The following ANO2 variants were observed in gnomAD, a reference collection of about 807,000 sequenced individuals.
ANO2 encodes anoctamin 2.
ANO2 carries 101 observed loss-of-function variants against 124.2 expected under a neutral mutation model. The observed-to-expected ratio is 0.81, with a 90% confidence interval of 0.69 to 0.96. The LOEUF is 0.96. ANO2 is among the 40% of genes least tolerant of loss of function. The probability of loss-of-function intolerance (pLI) is 0.00; values close to 1 mark genes in which losing one functional copy is unlikely to be tolerated. For synonymous variants in ANO2, 486 were observed against 482.5 expected, an observed-to-expected ratio of 1.01 and a Z score of -0.09; for missense variants, 1,293 against 1,274.5, an observed-to-expected ratio of 1.01 and a Z score of -0.22.
At chr12:5,932,718 G>C (rs1441760564) in intron 1 of ANO2, among the ~76,000 whole-genome samples, 3 of 152,168 alleles carry the variant, frequency 2.0e-5, no homozygotes, top group Admixed American at 1.3e-4. Flanking sequence ...AAGGAAAGTA[G>C]ACCAGTGAGG....
intron 7 of ANO2, among the ~76,000 whole-genome samples, chr12:5,813,194 A>T (rs1478707289): frequency 6.6e-6 from 1 of 152,164 alleles, no homozygotes; most frequent in Non-Finnish European, 1.5e-5. Flanking sequence ...TAGAAAAATA[A>T]AAACTAGGCC....
At position 5,607,232 on chromosome 12, in the gene ANO2, C is replaced by T. The variant is rs151202966; in HGVS notation, c.2087+5424G>A. Among the ~76,000 whole-genome samples, 935 of 152,224 alleles carry T rather than the reference C, an allele frequency of 6.1e-3. 4 individuals are homozygous for T. Among genetic ancestry groups the T allele is most frequent in the African/African-American group, 0.017 (709 of 41,526 alleles). ...CCCTGAGTTGTTCTCTCCGGTTTCA[C>T]TCCCTGGAGTCCCAACACTTCCAAA... is the stretch of plus-strand genomic sequence containing the variant. On this transcript the variant is annotated intron_variant, in intron 19 of 24. Coordinates refer to ENST00000682330, the MANE Select transcript of ANO2 (RefSeq NM_001364791.2).
intron 23 of ANO2, among the ~76,000 whole-genome samples, chr12:5,568,590 G>A (rs531983968): frequency 3.3e-5 from 5 of 152,176 alleles, no homozygotes; most frequent in East Asian, 1.9e-4. Context: ...CTAAGAAGTC[G>A]GGCTTATCAA....
At chr12:5,945,767 C>A (rs1251083797), upstream of ANO2, among the ~76,000 whole-genome samples, 2 of 152,220 alleles carry the variant, frequency 1.3e-5, no homozygotes, top group Admixed American at 6.5e-5. Flanking sequence ...CTGTCCTCAC[C>A]TTCCCCTAGG....
chr12:5,704,125 T>C lies in ANO2; in HGVS notation c.1545+28395A>G, dbSNP rs140234575. Among the ~76,000 whole-genome samples, 598 of 152,266 alleles carry C rather than the reference T, an allele frequency of 3.9e-3. 4 individuals carry two copies. The highest frequency in any genetic ancestry group is 0.014 in the African/African-American group (586 of 41,554). ...CGCTTAGATCAAAAGAACAAAAAGA[T>C]TGGGTGTGGGGGTGGGGAAGAGGGA... is the stretch of plus-strand genomic sequence containing the variant. On this transcript the variant is annotated intron_variant, in intron 14 of 24. Coordinates refer to ENST00000682330, the MANE Select transcript of ANO2 (RefSeq NM_001364791.2).
At chr12:5,892,884 T>A (rs1328098503) in intron 3 of ANO2, among the ~76,000 whole-genome samples, 1 of 152,228 alleles carries the variant, frequency 6.6e-6, no homozygotes, top group Non-Finnish European at 1.5e-5. Flanking sequence ...TTCTCACTTC[T>A]TAAATTCTTT....
chr12:5,656,151 T>A (rs1034114111), intron 14 of ANO2, among the ~76,000 whole-genome samples: 1 of 152,146 alleles, frequency 6.6e-6, no homozygotes, highest in Non-Finnish European at 1.5e-5. Context: ...AACACAGGGT[T>A]GCAGTGAGTT....
chr12:5,877,866 C>T (rs1938216389), intron 3 of ANO2, among the ~76,000 whole-genome samples: 1 of 152,228 alleles, frequency 6.6e-6, no homozygotes, highest in Non-Finnish European at 1.5e-5. Context: ...GAATCGAATG[C>T]CGCCGCTGAT....
At chr12:5,777,549 C>T (rs1054400749) in intron 10 of ANO2, among the ~76,000 whole-genome samples, 1 of 152,170 alleles carries the variant, frequency 6.6e-6, no homozygotes, top group African/African-American at 2.4e-5. Context: ...AAGGCTCTTT[C>T]CCAGCAATGC....
At chr12:5,945,834 C>T (rs1943077912), upstream of ANO2, among the ~76,000 whole-genome samples, 3 of 152,140 alleles carry the variant, frequency 2.0e-5, no homozygotes, top group Admixed American at 2.0e-4. Flanking sequence ...GACCGCAAAA[C>T]AGGAGGGGCT....
At chr12:5,725,013 T>C (rs1488922422) in intron 14 of ANO2, among the ~76,000 whole-genome samples, 1 of 152,084 alleles carries the variant, frequency 6.6e-6, no homozygotes, top group Non-Finnish European at 1.5e-5. Context: ...TTTGCTCCTC[T>C]TTGAAGCTTT....
intron 10 of ANO2, among the ~76,000 whole-genome samples, chr12:5,786,664 C>T (rs1017866035): frequency 6.6e-6 from 1 of 152,158 alleles, no homozygotes; most frequent in African/African-American, 2.4e-5. Flanking sequence ...CGCTGCACAT[C>T]CGATCATATT....
chr12:5,864,745 T>C (rs1955372894), intron 3 of ANO2, among the ~76,000 whole-genome samples: 2 of 152,142 alleles, frequency 1.3e-5, no homozygotes, highest in Admixed American at 1.3e-4. Context: ...CATCATCCCA[T>C]CAAGTTTAGG....
rs985294743 is a variant in ANO2, at chr12:5,713,651, G to A, written c.1545+18869C>T. ...GGAAGAAAGCTGGACGATGACACAC[G>A]GTGGGCTCTGGGGAACTGGGAACTC... On this transcript the variant is annotated intron_variant, in intron 14 of 24. Coordinates refer to ENST00000682330, the MANE Select transcript of ANO2 (RefSeq NM_001364791.2). 2.0e-5 allele frequency among the ~76,000 whole-genome samples: 3 copies of A among 152,176 alleles called. No individual in the cohort carries two copies. The East Asian group carries it at 5.8e-4, about 29-fold the overall frequency.
At chr12:5,924,343 C>A (rs983631200) in intron 1 of ANO2, among the ~76,000 whole-genome samples, 1 of 152,198 alleles carries the variant, frequency 6.6e-6, no homozygotes, top group Admixed American at 6.5e-5. Flanking sequence ...CAGAGGAAAG[C>A]TTTCATCATT....
intron 10 of ANO2, among the ~76,000 whole-genome samples, chr12:5,793,829 G>C (rs1952766383): frequency 6.6e-6 from 1 of 152,206 alleles, no homozygotes; most frequent in South Asian, 2.1e-4. Flanking sequence ...ACTGGAGCTG[G>C]TAGCATTGTA....
chr12:5,931,181 G>T (rs974251933), intron 1 of ANO2, among the ~76,000 whole-genome samples: 18 of 152,098 alleles, frequency 1.2e-4, no homozygotes, highest in African/African-American at 4.3e-4. Context: ...GACATACAGG[G>T]TCTTTCATGA....
intron 7 of ANO2, among the ~76,000 whole-genome samples, chr12:5,811,893 A>G (rs937049515): frequency 2.6e-5 from 4 of 152,212 alleles, no homozygotes; most frequent in African/African-American, 9.6e-5. Flanking sequence ...AGAGAAAATA[A>G]GAGGGAAAGG....
intron 16 of ANO2, among the ~76,000 whole-genome samples, chr12:5,619,503 C>T (rs754158607): frequency 8.5e-5 from 13 of 152,154 alleles, no homozygotes; most frequent in African/African-American, 3.1e-4. Flanking sequence ...GGGCTCATCA[C>T]ACGCATTCCC....
Sources: gnomAD v4.1 joint callset for allele counts (sites outside exome capture counted in the v4.1 genomes callset) on GRCh38, gnomAD v4.1.1 for gene constraint, MANE v1.5 for transcripts, NCBI Gene and HGNC (gene_info 2026-07-23, HGNC 2026-07-21) for gene names.